Variants in INPP5F observed in about 807,000 individuals in gnomAD.
INPP5F encodes the protein inositol polyphosphate-5-phosphatase F, also known as phosphatidylinositide 4-phosphatase SAC2.
A neutral mutation model predicts 137.2 loss-of-function variants in INPP5F; 97 were observed. That is an observed-to-expected ratio of 0.71 (90% CI 0.60 to 0.84). The LOEUF (loss-of-function observed/expected upper bound fraction) is 0.84, where lower values mean the gene tolerates loss of function less well. INPP5F is among the 40% of genes least tolerant of loss of function. The pLI is 0.00. For synonymous variants in INPP5F, 504 were observed against 476.9 expected, an observed-to-expected ratio of 1.06 and a Z score of -0.74; for missense variants, 1,271 against 1,371.9, an observed-to-expected ratio of 0.93 and a Z score of 1.16.
chr10:119,823,454 G>A (rs575856459), intron 18 of INPP5F, among the ~76,000 whole-genome samples: 2 of 152,304 alleles, frequency 1.3e-5, no homozygotes, highest in East Asian at 1.9e-4. Context: ...ATCAGTGATC[G>A]TATGGGTGTC....
Position 119,826,961 on chromosome 10 carries a change from T to C in INPP5F, c.2580T>C (p.Ser860=), listed in dbSNP as rs1358468662. The change falls in exon 20 of 20, where the codon TCT becomes TCC. Residue 860 remains serine (S), a synonymous_variant. Transcript: ENST00000650623. ...DMSSDNDSYH[S]DEFLTNSKSD... The stretch of plus-strand genomic sequence containing the variant: ...CTTCAGATAATGACTCATACCACTC[T>C]GATGAATTCCTTACAAATTCTAAGT... 6.2e-7 allele frequency: 1 copy of C among 1,614,124 alleles called. No homozygotes were observed. The highest frequency in any genetic ancestry group is 1.3e-5 in the African/African-American group (1 of 75,058).
chr10:119,828,945 A>C lies in INPP5F; in HGVS notation c.*1165A>C, dbSNP rs575813921. On this transcript the variant is annotated 3_prime_UTR_variant, in exon 20 of 20. Coordinates refer to ENST00000650623, the MANE Select transcript of INPP5F (RefSeq NM_014937.4). ...TGCCCCTGTAATCCCCACAGTAAGA[A>C]AGTTGTATGGCATATTCCAACAAGT... The C allele has an allele frequency of 6.6e-6, 1 of 152,642 alleles. No individual in the cohort carries two copies. Among genetic ancestry groups the C allele is most frequent in the Admixed American group, 6.5e-5 (1 of 15,276 alleles). 9.5% of individuals were successfully genotyped at this position (152,642 alleles called of 1,614,324 possible).
At chr10:119,785,001 C>G (rs547915258) in intron 3 of INPP5F, among the ~76,000 whole-genome samples, 1 of 152,296 alleles carries the variant, frequency 6.6e-6, no homozygotes, top group African/African-American at 2.4e-5. Context: ...CCTAGCATAG[C>G]TTTTAAGGTT....
intron 15 of INPP5F, 54 bp from the exon 16 acceptor site, chr10:119,820,792 A>C: frequency 1.4e-6 from 2 of 1,449,494 alleles, no homozygotes; most frequent in East Asian, 2.3e-5. Context: ...TATGCTTGGC[A>C]AAAAATGCAG....
chr10:119,810,650 A>C (rs1850995158), intron 14 of INPP5F, among the ~76,000 whole-genome samples: 1 of 152,210 alleles, frequency 6.6e-6, no homozygotes, highest in African/African-American at 2.4e-5. Flanking sequence ...TTCCATAAGC[A>C]TGGTTTATCA....
At chr10:119,789,314 A>G (rs182846912) in intron 3 of INPP5F, among the ~76,000 whole-genome samples, 1 of 152,312 alleles carries the variant, frequency 6.6e-6, no homozygotes, top group Non-Finnish European at 1.5e-5. Context: ...TGAGCAAGTA[A>G]GCATGTTTTC....
At chr10:119,795,271 C>T (rs1052829461) in intron 6 of INPP5F, among the ~76,000 whole-genome samples, 4 of 151,484 alleles carry the variant, frequency 2.6e-5, no homozygotes. Flanking sequence ...CCCCCTACCT[C>T]CCTCGCGGAC....
At chr10:119,821,230 C>T (rs1241783701) in intron 16 of INPP5F, among the ~76,000 whole-genome samples, 6 of 152,158 alleles carry the variant, frequency 3.9e-5, no homozygotes, top group South Asian at 4.2e-4. Context: ...CTAATGACCA[C>T]GTATCATTGT....
chr10:119,773,166 C>A (rs929526986), intron 2 of INPP5F, among the ~76,000 whole-genome samples: 1 of 152,064 alleles, frequency 6.6e-6, no homozygotes, highest in African/African-American at 2.4e-5. Flanking sequence ...ATGCAATTCT[C>A]CCATGTCAGC....
intron 2 of INPP5F, among the ~76,000 whole-genome samples, chr10:119,755,894 A>C (rs564956220): frequency 6.6e-6 from 1 of 152,362 alleles, no homozygotes; most frequent in South Asian, 2.1e-4. Flanking sequence ...GTGGTGGCTC[A>C]CGCCTGTAAT....
rs117103584 is a variant in INPP5F, at chr10:119,827,043, G to A, written c.2662G>A (p.Val888Ile). 205 of 1,614,070 alleles carry A rather than the reference G, an allele frequency of 1.3e-4. 2 individuals carry two copies. The East Asian group carries it at 3.2e-3, about 25-fold the overall frequency. ...AGAGAGTGTAGGGCCAATAGATTAC[G>A]TTCTTCCTAGTTGTGGTATTATTGC... ...SLESVGPIDY[V>I]LPSCGIIASA... is the part of the protein sequence containing the mutation. The change falls in exon 20 of 20, where the codon GTT becomes ATT. Residue 888 changes from valine to isoleucine, a missense_variant. Transcript: ENST00000650623.
chr10:119,766,535 A>G (rs1359085218), intron 2 of INPP5F, among the ~76,000 whole-genome samples: 1 of 152,216 alleles, frequency 6.6e-6, no homozygotes, highest in Admixed American at 6.5e-5. Context: ...GAATCCAAGG[A>G]AAAAACATAA....
intron 14 of INPP5F, among the ~76,000 whole-genome samples, chr10:119,810,476 T>C (rs1400162856): frequency 6.6e-6 from 1 of 152,204 alleles, no homozygotes; most frequent in Non-Finnish European, 1.5e-5. Context: ...AAAGCAGGGT[T>C]TGAAGCTCCT....
intron 11 of INPP5F, 95 bp downstream of exon 11, chr10:119,805,556 T>A: frequency 1.3e-6 from 1 of 766,954 alleles, no homozygotes; most frequent in Non-Finnish European, 2.1e-6. Context: ...AGAGACAGCA[T>A]TTTTTTTTGT....
intron 15 of INPP5F, chr10:119,815,642 A>C (rs1412756870): frequency 3.3e-6 from 1 of 306,070 alleles, no homozygotes; most frequent in African/African-American, 2.2e-5. Context: ...ACTTGGGTCT[A>C]AGGCAGAGAT....
rs370583284 is a variant in INPP5F at position 119,796,869 on chromosome 10, G to A, written c.824G>A (p.Arg275Gln). Residue 275 changes from arginine (R) to glutamine (Q), a missense_variant, in exon 7 of 20, where the codon CGA becomes CAA. Coordinates refer to ENST00000650623, the MANE Select transcript of INPP5F (RefSeq NM_014937.4). ...ESTCVDDIHP[R>Q]FLVALISRRS... ...ACCTGTGTAGATGATATTCACCCACGATTTCTAGTGGCTCTCATTTCACGC... is the reference window on the plus strand; with the variant it reads ...ACCTGTGTAGATGATATTCACCCACAATTTCTAGTGGCTCTCATTTCACGC... The A allele has an allele frequency of 1.3e-4, 213 of 1,614,010 alleles. No individual in the cohort carries two copies. The highest frequency in any genetic ancestry group is 1.8e-4 in the Non-Finnish European group (210 of 1,180,036).
In INPP5F at chr10:119,820,827, C is replaced by T. The variant is rs373450738; in HGVS notation, c.1887-19C>T. On this transcript the variant is annotated intron_variant, in intron 15 of 19. Coordinates refer to ENST00000650623, the MANE Select transcript of INPP5F (RefSeq NM_014937.4). ...GATGGAAATGAAAATACTTAATCTC[C>T]TGTGTCATATTTGTTTAGCCTCATT... 1.5e-4 allele frequency: 236 copies of T among 1,572,300 alleles called. No individual in the cohort carries two copies. Among genetic ancestry groups the T allele is most frequent in the Non-Finnish European group, 1.9e-4 (217 of 1,142,176 alleles).
chr10:119,732,039 T>G (rs1247938350), intron 1 of INPP5F, among the ~76,000 whole-genome samples: 1 of 3,266 alleles, frequency 3.1e-4, no homozygotes, highest in East Asian at 8.8e-3. Flanking sequence ...ACAAGTGGTT[T>G]TTTTTTTTTT....
chr10:119,782,403 A>T (rs955453841), intron 3 of INPP5F, among the ~76,000 whole-genome samples: 1 of 152,214 alleles, frequency 6.6e-6, no homozygotes, highest in Non-Finnish European at 1.5e-5. Flanking sequence ...TGCTCTTAGT[A>T]TGGGAATTAG....
Sources: allele counts gnomAD v4.1 joint callset (sites outside exome capture counted in the v4.1 genomes callset), GRCh38; gene constraint gnomAD v4.1.1; transcripts MANE v1.5; gene names NCBI Gene and HGNC (gene_info 2026-07-23, HGNC 2026-07-21).